KCNK15: variants seen among roughly 807,000 people sequenced by gnomAD.
The protein encoded by KCNK15 is potassium channel subfamily K member 15.
Under a neutral mutation model 8.5 loss-of-function variants are expected in KCNK15, and 9 were observed. The ratio of observed to expected loss-of-function variants is 1.06; its 90% CI spans 0.64 to 1.85. KCNK15 has a LOEUF of 1.85. Ranked by LOEUF, KCNK15 falls within the 40% of genes most tolerant of loss-of-function variation. The pLI is 0.00. For synonymous variants in KCNK15, 224 were observed against 232.7 expected, an observed-to-expected ratio of 0.96 and a Z score of 0.34; for missense variants, 467 against 476.8, an observed-to-expected ratio of 0.98 and a Z score of 0.19.
chr20:44,750,710 G>C lies in KCNK15; in HGVS notation c.865G>C (p.Val289Leu). ...RPARSVGSAS[V>L]FCHVHKLERC... The stretch of plus-strand genomic sequence containing the variant: ...GGCCCGCTCCGTGGGCTCCGCCTCT[G>C]TCTTCTGCCACGTGCACAAGCTGGA... Residue 289 changes from valine (V) to leucine (L), a missense_variant, in exon 2 of 2, where the codon GTC becomes CTC. Val to Leu is a conservative substitution (Grantham distance 32, BLOSUM62 1). Around this residue, in one of 2 missense-constraint regions of KCNK15, gnomAD observed 455 missense variants for 441.2 expected, o/e 1.03. Transcript: ENST00000372861. 1.3e-6 allele frequency: 2 copies of C among 1,514,578 alleles called. No individual in the cohort carries two copies. Among genetic ancestry groups the C allele is most frequent in the Non-Finnish European group, 1.8e-6 (2 of 1,137,792 alleles). The allele number at this position is 1,514,578 out of a possible 1,614,324, so 93.8% of individuals were successfully genotyped here. A position where few individuals can be genotyped will look rare whatever the true frequency, so the allele number is the denominator to read the frequency against.
rs2066026269 is a variant in KCNK15 at position 44,750,621 on chromosome 20, G to T, written c.776G>T (p.Arg259Leu). The T allele has an allele frequency of 6.3e-7, 1 of 1,590,380 alleles. No homozygotes were observed. Among genetic ancestry groups the T allele is most frequent in the Non-Finnish European group, 8.5e-7 (1 of 1,173,004 alleles). ...GCCGACTGGCCCGAGCGCGCTGCCC[G>T]CACCCCCAGCCCGCGCCCCCCGGGG... ...ASADWPERAARTPSPRPPGAP... is the reference protein window; with the variant it reads ...ASADWPERAALTPSPRPPGAP... The change falls in exon 2 of 2, where the codon CGC (arginine) becomes CTC (leucine). Residue 259 changes from arginine (R) to leucine (L), a missense_variant. Around this residue, in one of 2 missense-constraint regions of KCNK15, gnomAD observed 455 missense variants for 441.2 expected, o/e 1.03. Transcript: ENST00000372861.
At position 44,751,195 on chromosome 20, in the gene KCNK15, C is replaced by T. The variant is rs541335936; in HGVS notation, c.*357C>T. ...GTGAAGAGGCTGGTTTTCTGAGTAA[C>T]GGTTGAAATGTGCAACTTTCAACAC... On this transcript the variant is annotated 3_prime_UTR_variant, in exon 2 of 2. Transcript: ENST00000372861. The T allele has an allele frequency of 8.4e-5, 15 of 177,994 alleles. No homozygotes were observed. In the East Asian group the frequency reaches 1.5e-3, roughly 18 times the overall value. 11.0% of individuals were successfully genotyped at this position (177,994 alleles called of 1,614,324 possible).
At chr20:44,748,633 T>C (rs957910422) in intron 1 of KCNK15, among the ~76,000 whole-genome samples, 1 of 152,222 alleles carries the variant, frequency 6.6e-6, no homozygotes, top group Non-Finnish European at 1.5e-5. Flanking sequence ...AACACACACA[T>C]TGTATAGACG....
chr20:44,749,298 T>C (rs2066019150), intron 1 of KCNK15, among the ~76,000 whole-genome samples: 2 of 152,176 alleles, frequency 1.3e-5, no homozygotes, highest in South Asian at 4.1e-4. Flanking sequence ...CACAATGAGA[T>C]ACCCATTCAT....
chr20:44,749,369 A>G (rs556378087), intron 1 of KCNK15, among the ~76,000 whole-genome samples: 5 of 152,142 alleles, frequency 3.3e-5, no homozygotes, highest in Admixed American at 1.3e-4. Flanking sequence ...TAGATTCCCT[A>G]TAGTAGTTGA....
Position 44,746,113 on chromosome 20 carries a change from A to T in KCNK15, c.203A>T (p.Gln68Leu). The stretch of plus-strand genomic sequence containing the variant: ...CGCGAGCTGGAGCGCCTGGCGCTCC[A>T]GGCTGAGCCCCACCGCGCCGGCCGC... ...DYRELERLAL[Q>L]AEPHRAGRQW... Residue 68 changes from glutamine to leucine, a missense_variant, in exon 1 of 2, where the codon CAG (glutamine) becomes CTG (leucine). Transcript: ENST00000372861. 6.8e-7 allele frequency: 1 copy of T among 1,475,406 alleles called. No individual in the cohort carries two copies. Among genetic ancestry groups the T allele is most frequent in the African/African-American group, 1.5e-5 (1 of 68,146 alleles). 91.4% of individuals were successfully genotyped at this position (1,475,406 alleles called of 1,614,324 possible).
intron 1 of KCNK15, among the ~76,000 whole-genome samples, chr20:44,748,299 T>A (rs1427083539): frequency 1.3e-5 from 2 of 152,002 alleles, no homozygotes; most frequent in Non-Finnish European, 2.9e-5. Context: ...ACCACCATCG[T>A]CCCCGCCCTC....
chr20:44,745,936 C>A lies in KCNK15; in HGVS notation c.26C>A (p.Ala9Asp). Residue 9 changes from alanine to aspartate, a missense_variant, in exon 1 of 2, where the codon GCC (alanine) becomes GAC (aspartate). By Grantham distance (126) the Ala-to-Asp change is moderately radical (BLOSUM62 -2). Coordinates refer to ENST00000372861, the MANE Select transcript of KCNK15 (RefSeq NM_022358.4). ...ATGCGGAGGCCGAGCGTGCGCGCGG[C>A]CGGGCTGGTCCTGTGCACCCTGTGT... is the stretch of plus-strand genomic sequence containing the variant. Reference protein sequence around the residue: MRRPSVRAAGLVLCTLCYL... With the variant: MRRPSVRADGLVLCTLCYL... 7.4e-7 allele frequency: 1 copy of A among 1,348,618 alleles called. No individual in the cohort carries two copies. The highest frequency in any genetic ancestry group is 2.1e-5 in the South Asian group (1 of 48,664). 83.5% of individuals were successfully genotyped at this position (1,348,618 alleles called of 1,614,324 possible).
At chr20:44,746,216 C>A in intron 1 of KCNK15, 23 bp downstream of exon 1, 1 of 1,369,484 alleles carries the variant, frequency 7.3e-7, no homozygotes. Flanking sequence ...GAGCCTCCCT[C>A]CGCGCCCGCT....
intron 1 of KCNK15, among the ~76,000 whole-genome samples, chr20:44,747,399 A>G (rs774349148): frequency 2.0e-5 from 3 of 152,138 alleles, no homozygotes; most frequent in Non-Finnish European, 4.4e-5. Context: ...TTCATTTGTA[A>G]TAATTCATTA....
chr20:44,746,332 TCTC>T (rs1243422819), intron 1 of KCNK15, 139 bp downstream of exon 1: 4 of 720,922 alleles, frequency 5.5e-6, no homozygotes, highest in Non-Finnish European at 7.9e-6. Context: ...GCCTCCCTCA[TCTC>T]CTTCGCCTCC....
In KCNK15 at chr20:44,750,311, A is replaced by C. The variant is rs1276566986; in HGVS notation, c.466A>C (p.Thr156Pro). ...GGGCCTGCGGTGGACGTGCGTGTCCACGGAGAACCTGGTGGTGGCCGGGCT... is the reference window on the plus strand; with the variant it reads ...GGGCCTGCGGTGGACGTGCGTGTCCCCGGAGAACCTGGTGGTGGCCGGGCT... ...CLGLRWTCVS[T>P]ENLVVAGLLA... Residue 156 changes from threonine to proline, a missense_variant, in exon 2 of 2, where the codon ACG becomes CCG. Physicochemically the swap from Thr to Pro is conservative, Grantham distance 38. Coordinates refer to ENST00000372861, the MANE Select transcript of KCNK15 (RefSeq NM_022358.4). 1 of 1,608,630 alleles carries C rather than the reference A, an allele frequency of 6.2e-7. No homozygotes were observed. The highest frequency in any genetic ancestry group is 1.3e-5 in the African/African-American group (1 of 74,950).
intron 1 of KCNK15, among the ~76,000 whole-genome samples, chr20:44,747,419 G>A (rs2066011981): frequency 6.6e-6 from 1 of 152,144 alleles, no homozygotes; most frequent in Admixed American, 6.5e-5. Context: ...ATTTGCCAAC[G>A]TGGCTCCAGC....
At chr20:44,746,801 A>C (rs550956402) in intron 1 of KCNK15, 5 of 152,288 alleles carry the variant, frequency 3.3e-5, no homozygotes, top group Admixed American at 2.6e-4. Flanking sequence ...TGTCTTAGGG[A>C]CTGCTGTATG....
At chr20:44,748,994 T>G (rs2145435416) in intron 1 of KCNK15, among the ~76,000 whole-genome samples, 1 of 152,334 alleles carries the variant, frequency 6.6e-6, no homozygotes, top group South Asian at 2.1e-4. Flanking sequence ...TATAATTTAT[T>G]TAACCAGGCC....
At chr20:44,749,868 G>C (rs3803988) in intron 1 of KCNK15, among the ~76,000 whole-genome samples, 76 of 152,206 alleles carry the variant, frequency 5.0e-4, no homozygotes, top group African/African-American at 1.8e-3. Context: ...CTTGGTTGCC[G>C]CAAGTTACAG....
chr20:44,745,933 C>T lies in KCNK15; in HGVS notation c.23C>T (p.Ala8Val), dbSNP rs559885491. MRRPSVR[A>V]AGLVLCTLCY... is the part of the protein sequence containing the mutation. ...GCCATGCGGAGGCCGAGCGTGCGCGCGGCCGGGCTGGTCCTGTGCACCCTG... is the reference window on the plus strand; with the variant it reads ...GCCATGCGGAGGCCGAGCGTGCGCGTGGCCGGGCTGGTCCTGTGCACCCTG... The change falls in exon 1 of 2, where the codon GCG becomes GTG. Residue 8 changes from alanine (A) to valine (V), a missense_variant. Around this residue, in one of 2 missense-constraint regions of KCNK15, gnomAD observed 12 missense variants for 35.6 expected, o/e 0.34. Coordinates refer to ENST00000372861, the MANE Select transcript of KCNK15 (RefSeq NM_022358.4). The T allele has an allele frequency of 4.5e-6, 6 of 1,341,318 alleles. No homozygotes were observed. In the African/African-American group the frequency reaches 9.1e-5, roughly 20 times the overall value. 83.1% of individuals were successfully genotyped at this position (1,341,318 alleles called of 1,614,324 possible).
At chr20:44,748,432 T>C (rs2066016215) in intron 1 of KCNK15, among the ~76,000 whole-genome samples, 1 of 152,098 alleles carries the variant, frequency 6.6e-6, no homozygotes, top group Admixed American at 6.6e-5. Context: ...ATGTATGTAG[T>C]GCTGATATTC....
At chr20:44,746,247 G>T (rs952643335) in intron 1 of KCNK15, 54 bp downstream of exon 1, 5 of 1,339,978 alleles carry the variant, frequency 3.7e-6, no homozygotes, top group Non-Finnish European at 4.8e-6. Context: ...CCGTCCCGGG[G>T]CGCCTCTGGG....
Sources: gnomAD v4.1 joint callset for allele counts (sites outside exome capture counted in the v4.1 genomes callset) on GRCh38, gnomAD v4.1.1 for gene constraint, gnomAD v4.1.1 regional missense constraint, MANE v1.5 for transcripts, NCBI Gene and HGNC (gene_info 2026-07-23, HGNC 2026-07-21) for gene names.